The following MPPED1 variants were observed in gnomAD, a reference collection of about 807,000 sequenced individuals.
MPPED1 encodes the protein metallophosphoesterase domain-containing protein 1.
MPPED1 carries 16 observed loss-of-function variants against 36.2 expected under a neutral mutation model. The observed-to-expected ratio is 0.44, with a 90% CI of 0.30 to 0.67. The LOEUF is 0.67. MPPED1 is among the 30% of genes least tolerant of loss of function. The pLI, the probability that MPPED1 is intolerant of heterozygous loss-of-function variation, is 0.10. For synonymous variants in MPPED1, 199 were observed against 191.3 expected (o/e 1.04, Z -0.33); for missense variants, 307 against 453.4 (o/e 0.68, Z 2.93).
chr22:43,491,467 AGGT>A (rs1335631650), intron 4 of MPPED1, among the ~76,000 whole-genome samples: 2 of 145,808 alleles, frequency 1.4e-5, no homozygotes, highest in East Asian at 2.1e-4. Context: ...GTGGTGATGG[AGGT>A]GGTGGTGGTG....
At chr22:43,495,959 G>A (rs1932316327) in intron 4 of MPPED1, among the ~76,000 whole-genome samples, 2 of 144,512 alleles carry the variant, frequency 1.4e-5, no homozygotes, top group South Asian at 2.2e-4. Flanking sequence ...GGTGGAGGTG[G>A]TGGTGGTGGA....
rs1220415345 is a variant in MPPED1 at position 43,475,722 on chromosome 22, GTGA to G, written c.632+770_632+772del. Among the ~76,000 whole-genome samples the G allele has an allele frequency of 4.7e-4, 63 of 134,790 alleles. No homozygotes were observed. The South Asian group carries it at 9.5e-3, about 20-fold the overall frequency. The allele number at this position is 134,790 out of a possible 152,430, so 88.4% of individuals were successfully genotyped here. ...GGTGGTGGTGATGATGGTGGTGATGGTGATGATGATGGTTGTGGTGGTGGTGGT... is the reference window on the plus strand; with the variant it reads ...GGTGGTGGTGATGATGGTGGTGATGGTGATGATGGTTGTGGTGGTGGTGGT... On this transcript the variant is annotated intron_variant, in intron 4 of 6. Transcript: ENST00000443721.
At chr22:43,460,035 C>T (rs1327952486) in intron 3 of MPPED1, among the ~76,000 whole-genome samples, 6 of 152,010 alleles carry the variant, frequency 3.9e-5, no homozygotes, top group African/African-American at 1.4e-4. Flanking sequence ...GGTGAAACCC[C>T]GTCTCTACTA....
At chr22:43,498,499 G>T (rs1932504419) in intron 5 of MPPED1, 149 bp downstream of exon 5, 1 of 590,222 alleles carries the variant, frequency 1.7e-6, no homozygotes. Context: ...TCGCCCCATG[G>T]TCCCTCTTAT....
intron 5 of MPPED1, among the ~76,000 whole-genome samples, chr22:43,501,059 G>A (rs558574827): frequency 5.3e-4 from 81 of 152,200 alleles, no homozygotes; most frequent in African/African-American, 1.8e-3. Context: ...AGTGCGCCAC[G>A]GCCCCTCTGC....
chr22:43,495,647 G>GTGA (rs1262038638), intron 4 of MPPED1, among the ~76,000 whole-genome samples: 5 of 91,770 alleles, frequency 5.4e-5, no homozygotes, highest in Non-Finnish European at 1.2e-4. Context: ...GGAGGTGATG[G>GTGA]TGGAGGTAGT....
At position 43,505,674 on chromosome 22, in the gene MPPED1, C is replaced by A; in HGVS notation, c.*58C>A. ...TGTCAGCTCCACAGGCCTGGCCCGG[C>A]CACTGTTCCTTCCATGCTGAGTTGC... is the stretch of plus-strand genomic sequence containing the variant. On this transcript the variant is annotated 3_prime_UTR_variant, in exon 7 of 7. Coordinates refer to ENST00000443721, the MANE Select transcript of MPPED1 (RefSeq NM_001044370.2). 1 of 1,469,596 alleles carries A rather than the reference C, an allele frequency of 6.8e-7. No homozygotes were observed. The highest frequency in any genetic ancestry group is 2.4e-5 in the East Asian group (1 of 40,918). The allele number at this position is 1,469,596 out of a possible 1,614,324, so 91.0% of individuals were successfully genotyped here.
At chr22:43,419,623 T>C (rs1929193279) in intron 1 of MPPED1, among the ~76,000 whole-genome samples, 1 of 151,636 alleles carries the variant, frequency 6.6e-6, no homozygotes, top group Non-Finnish European at 1.5e-5. Flanking sequence ...GTGCTGGGTG[T>C]GCCAGAGGGA....
At chr22:43,454,959 C>T (rs1187264069) in intron 3 of MPPED1, among the ~76,000 whole-genome samples, 4 of 152,254 alleles carry the variant, frequency 2.6e-5, no homozygotes, top group Admixed American at 2.6e-4. Context: ...GAGGCTCAAA[C>T]AGCAGAAGCC....
chr22:43,465,479 G>C (rs927923639), intron 3 of MPPED1, among the ~76,000 whole-genome samples: 2 of 152,260 alleles, frequency 1.3e-5, no homozygotes, highest in East Asian at 3.8e-4. Context: ...TGTGTGTTGA[G>C]TGTGTACTTA....
intron 1 of MPPED1, among the ~76,000 whole-genome samples, chr22:43,422,906 G>A (rs146532868): frequency 3.2e-4 from 48 of 152,004 alleles, no homozygotes; most frequent in East Asian, 2.5e-3. Context: ...GCGCTGTCTC[G>A]GCTCACTGCA....
At chr22:43,463,799 A>C (rs920496339) in intron 3 of MPPED1, among the ~76,000 whole-genome samples, 1 of 112,070 alleles carries the variant, frequency 8.9e-6, no homozygotes, top group African/African-American at 3.1e-5. Flanking sequence ...TTGATTTTTC[A>C]TTTTTTCTTT....
intron 4 of MPPED1, among the ~76,000 whole-genome samples, chr22:43,495,698 G>C (rs1355434048): frequency 2.1e-5 from 1 of 47,718 alleles, no homozygotes; most frequent in Non-Finnish European, 3.3e-5. Flanking sequence ...GGTGGTGGAG[G>C]TGGTGATGGA....
At chr22:43,462,894 C>T (rs950911396) in intron 3 of MPPED1, among the ~76,000 whole-genome samples, 2 of 152,136 alleles carry the variant, frequency 1.3e-5, no homozygotes, top group African/African-American at 4.8e-5. Context: ...TGGTTTACTC[C>T]CTCATTTTGG....
chr22:43,481,781 C>A (rs767732905), intron 4 of MPPED1, among the ~76,000 whole-genome samples: 2 of 152,160 alleles, frequency 1.3e-5, no homozygotes, highest in African/African-American at 2.4e-5. Context: ...AAGCTGAAGG[C>A]CAGATGCCCC....
rs1932761188 is a variant in MPPED1, at chr22:43,502,902, C to A, written c.862+145C>A. 3 of 694,188 alleles carry A rather than the reference C, an allele frequency of 4.3e-6. No individual in the cohort carries two copies. The highest frequency in any genetic ancestry group is 1.8e-5 in the African/African-American group (1 of 55,482). 43.0% of individuals were successfully genotyped at this position (694,188 alleles called of 1,614,324 possible). A position where few individuals can be genotyped will look rare whatever the true frequency, so the allele number is the denominator to read the frequency against. On this transcript the variant is annotated intron_variant, in intron 6 of 6. Transcript: ENST00000443721. The surrounding 1 kb of genome is among the most constrained non-coding windows in gnomAD (Gnocchi z 5.5). ...TGTAACTGCTAACTGCCATACACAC[C>A]CTGGCTGTCAATGAGCTATTGCTAA...
At chr22:43,421,088 T>G (rs1057132276) in intron 1 of MPPED1, among the ~76,000 whole-genome samples, 1 of 152,212 alleles carries the variant, frequency 6.6e-6, no homozygotes, top group Non-Finnish European at 1.5e-5. Flanking sequence ...GCGGTCTCCC[T>G]GCGGCGGGTC....
intron 4 of MPPED1, among the ~76,000 whole-genome samples, chr22:43,495,711 T>A (rs1240571011): frequency 6.2e-5 from 2 of 32,260 alleles, no homozygotes. Flanking sequence ...GTGATGGAGG[T>A]GGTGGTGGTG....
chr22:43,431,328 G>A (rs1929679105), intron 2 of MPPED1, among the ~76,000 whole-genome samples: 1 of 152,116 alleles, frequency 6.6e-6, no homozygotes, highest in East Asian at 1.9e-4. Flanking sequence ...CAGGTGTGAG[G>A]CATTGTGCCT....
Sources: allele counts gnomAD v4.1 joint callset (sites outside exome capture counted in the v4.1 genomes callset), GRCh38; gene constraint gnomAD v4.1.1; non-coding constraint Gnocchi (gnomAD v3.1); transcripts MANE v1.5; gene names NCBI Gene and HGNC (gene_info 2026-07-23, HGNC 2026-07-21).